ZNF521: variants seen among roughly 807,000 people sequenced by gnomAD.
The protein encoded by ZNF521 is zinc finger protein 521.
ZNF521 carries 14 observed loss-of-function variants against 105.5 expected under a neutral mutation model. The observed-to-expected ratio is 0.13, with a 90% CI of 0.09 to 0.21. ZNF521 has a LOEUF of 0.21. ZNF521 is among the 10% of genes least tolerant of loss of function. ZNF521 has a pLI of 1.00. For missense variants in ZNF521, 1,233 were observed against 1,629.7 expected (o/e 0.76, Z 4.19); for synonymous variants, 635 against 606.0 (o/e 1.05, Z -0.70).
Position 25,120,594 on chromosome 18 carries a change from A to ACAAAC in ZNF521, c.3659-28514_3659-28513insGTTTG, listed in dbSNP as rs1427699042. On this transcript the variant is annotated intron_variant, in intron 5 of 7. Transcript: ENST00000361524. Reference sequence around the variant, plus strand: ...GCAAAACTCCATCTAAAAAAAAAAAAAAAAAAAACCACAAACAAACAAACA... The same window carrying ACAAAC: ...GCAAAACTCCATCTAAAAAAAAAAAACAAACAAAAAAAACCACAAACAAACAAACA... Among the ~76,000 whole-genome samples, 85 of 147,176 alleles carry ACAAAC rather than the reference A, an allele frequency of 5.8e-4. 1 individual carries two copies. The highest frequency in any genetic ancestry group is 9.2e-4 in the Non-Finnish European group (61 of 66,536).
At chr18:25,293,282 C>T (rs8096459) in intron 3 of ZNF521, among the ~76,000 whole-genome samples, 65,220 of 151,684 alleles carry the variant, frequency 0.43, 14,117 homozygotes, top group South Asian at 0.55. Flanking sequence ...CTCTACCTTT[C>T]GCCCAGATGA....
intron 3 of ZNF521, among the ~76,000 whole-genome samples, chr18:25,255,181 T>C (rs1020418806): frequency 1.3e-5 from 2 of 152,152 alleles, no homozygotes; most frequent in African/African-American, 4.8e-5. Flanking sequence ...AAACACATAA[T>C]TGCTGCTTTT....
chr18:25,090,782 C>T (rs2144212984), intron 6 of ZNF521, among the ~76,000 whole-genome samples: 1 of 152,282 alleles, frequency 6.6e-6, no homozygotes, highest in South Asian at 2.1e-4. Context: ...TGACCCAGTC[C>T]TCCTTTATGA....
intron 5 of ZNF521, among the ~76,000 whole-genome samples, chr18:25,110,597 G>A (rs575714560): frequency 5.3e-5 from 8 of 151,688 alleles, no homozygotes; most frequent in Non-Finnish European, 7.4e-5. Flanking sequence ...TCAATATGTC[G>A]TCAAAGAGAT....
At chr18:25,161,953 G>A (rs1222435480) in intron 5 of ZNF521, among the ~76,000 whole-genome samples, 2 of 152,144 alleles carry the variant, frequency 1.3e-5, no homozygotes, top group Admixed American at 1.3e-4. Context: ...TGGTTCCTGG[G>A]CACATGGGAA....
At chr18:25,283,824 C>T (rs1039718041) in intron 3 of ZNF521, among the ~76,000 whole-genome samples, 8 of 152,008 alleles carry the variant, frequency 5.3e-5, no homozygotes, top group African/African-American at 1.9e-4. Flanking sequence ...GTGTTTTAAT[C>T]CCTCACCACT....
At chr18:25,175,931 T>C (rs542163433) in intron 5 of ZNF521, among the ~76,000 whole-genome samples, 1 of 152,244 alleles carries the variant, frequency 6.6e-6, no homozygotes, top group South Asian at 2.1e-4. Context: ...TCAGGCTCTA[T>C]GACTTACACA....
At chr18:25,162,782 C>A (rs2053786438) in intron 5 of ZNF521, among the ~76,000 whole-genome samples, 2 of 152,118 alleles carry the variant, frequency 1.3e-5, no homozygotes, top group Admixed American at 6.5e-5. Context: ...ATCTCTGTGT[C>A]TGGAGTATTT....
chr18:25,180,087 C>A (rs1017148742), intron 5 of ZNF521, among the ~76,000 whole-genome samples: 71 of 152,302 alleles, frequency 4.7e-4, no homozygotes, highest in Admixed American at 1.8e-3. Flanking sequence ...GTTAAAAAAA[C>A]TTTTTCGTTT....
At chr18:25,271,012 T>G (rs751695424) in intron 3 of ZNF521, among the ~76,000 whole-genome samples, 4 of 152,178 alleles carry the variant, frequency 2.6e-5, no homozygotes, top group Non-Finnish European at 5.9e-5. Flanking sequence ...CATGAATGTA[T>G]ATTTAGAAAA....
At chr18:25,300,510 C>G (rs73395128) in intron 3 of ZNF521, among the ~76,000 whole-genome samples, 9,610 of 152,160 alleles carry the variant, frequency 0.063, 351 homozygotes, top group African/African-American at 0.097. Flanking sequence ...GTTGGCATCT[C>G]TTTCCATCTC....
At chr18:25,124,068 A>G (rs1048998889) in intron 5 of ZNF521, among the ~76,000 whole-genome samples, 2 of 152,138 alleles carry the variant, frequency 1.3e-5, no homozygotes, top group Admixed American at 1.3e-4. Context: ...GTGATGGAAC[A>G]TTTATGGATC....
At chr18:25,271,269 G>C (rs1216266699) in intron 3 of ZNF521, among the ~76,000 whole-genome samples, 1 of 152,116 alleles carries the variant, frequency 6.6e-6, no homozygotes, top group Non-Finnish European at 1.5e-5. Context: ...AAATAAGAGA[G>C]GACATAAACA....
At chr18:25,156,040 G>A (rs2035137556) in intron 5 of ZNF521, among the ~76,000 whole-genome samples, 1 of 152,112 alleles carries the variant, frequency 6.6e-6, no homozygotes, top group African/African-American at 2.4e-5. Context: ...ACAACATAAG[G>A]ACTATAGTTA....
At chr18:25,163,785 C>A (rs1053208494) in intron 5 of ZNF521, among the ~76,000 whole-genome samples, 1 of 152,064 alleles carries the variant, frequency 6.6e-6, no homozygotes, top group African/African-American at 2.4e-5. Context: ...GGGCTTTTTG[C>A]CAAAAACACA....
intron 3 of ZNF521, among the ~76,000 whole-genome samples, chr18:25,254,038 C>T (rs1461593452): frequency 6.6e-6 from 1 of 152,114 alleles, no homozygotes; most frequent in Non-Finnish European, 1.5e-5. Flanking sequence ...CGGGAAGCAG[C>T]ATCAGAAACC....
At chr18:25,117,716 T>C (rs556567787) in intron 5 of ZNF521, among the ~76,000 whole-genome samples, 2 of 152,012 alleles carry the variant, frequency 1.3e-5, no homozygotes, top group East Asian at 1.9e-4. Flanking sequence ...AATAGACTAA[T>C]AGAAATAACT....
At chr18:25,294,715 T>C (rs1301348326) in intron 3 of ZNF521, among the ~76,000 whole-genome samples, 2 of 151,302 alleles carry the variant, frequency 1.3e-5, no homozygotes, top group Non-Finnish European at 2.9e-5. Context: ...ATTAGCTGGG[T>C]GTGGTAGCCC....
chr18:25,315,527 T>A (rs1156307536), intron 3 of ZNF521: 1 of 152,134 alleles, frequency 6.6e-6, no homozygotes, highest in Admixed American at 6.5e-5. Flanking sequence ...CTCCATGAGG[T>A]GTGTGTGAGC....
Sources: allele counts gnomAD v4.1 joint callset (sites outside exome capture counted in the v4.1 genomes callset), GRCh38; gene constraint gnomAD v4.1.1; transcripts MANE v1.5; gene names NCBI Gene and HGNC (gene_info 2026-07-23, HGNC 2026-07-21).